C16orf95: variants seen among roughly 807,000 people sequenced by gnomAD.
C16orf95 encodes the protein chromosome 16 open reading frame 95.
In C16orf95, 41 loss-of-function variants were observed where a neutral mutation model predicts 32.1. That is an observed-to-expected ratio of 1.28 (90% CI 1.00 to 1.66). C16orf95 has a LOEUF of 1.66. C16orf95 is among the 40% of genes most tolerant of loss of function. The probability of loss-of-function intolerance (pLI) is 0.00; values close to 1 mark genes in which losing one functional copy is unlikely to be tolerated. For synonymous variants in C16orf95, 147 were observed against 128.9 expected (o/e 1.14, Z -0.95); for missense variants, 399 against 325.9 (o/e 1.22, Z -1.73).
chr16:87,315,999 G>T (rs138465325), intron 1 of C16orf95, among the ~76,000 whole-genome samples, 176 bp from the exon 2 acceptor site: 2 of 152,166 alleles, frequency 1.3e-5, no homozygotes, highest in African/African-American at 4.8e-5. Flanking sequence ...TCAGAAGCAG[G>T]CGTGTGCTAG....
chr16:87,312,754 A>G (rs533770132), intron 3 of C16orf95, among the ~76,000 whole-genome samples: 2 of 152,268 alleles, frequency 1.3e-5, no homozygotes, highest in Admixed American at 6.5e-5. Flanking sequence ...AGCCATCTCT[A>G]TTTGCAGATG....
At chr16:87,310,483 T>C (rs963370393) in intron 4 of C16orf95, 150 bp from the exon 5 acceptor site, 39 of 724,704 alleles carry the variant, frequency 5.4e-5, no homozygotes, top group Admixed American at 1.1e-4. Flanking sequence ...CGGGCTCTTT[T>C]CTCTGAGGAC....
intron 2 of C16orf95, 85 bp from the exon 3 acceptor site, chr16:87,315,181 G>A (rs1055626755): frequency 1.1e-4 from 151 of 1,385,324 alleles, no homozygotes; most frequent in Non-Finnish European, 1.6e-5. Context: ...GTAGATCCGT[G>A]CTCAGGAAGA....
Position 87,317,098 on chromosome 16 carries a change from C to A in C16orf95, c.145G>T (p.Asp49Tyr), listed in dbSNP as rs1904375373. The change falls in exon 1 of 7, where the codon GAT (aspartate) becomes TAT (tyrosine). Residue 49 changes from aspartate to tyrosine, a missense_variant. Transcript: ENST00000567970. ...CRLALTPSAQ[D>Y]GRNSTFQTYK... Reference sequence around the variant, plus strand: ...GATTCAGGACTCACTTGCCTGCCATCCTGCGCGCTGGGTGTGAGTGCCAAC... The same window carrying A: ...GATTCAGGACTCACTTGCCTGCCATACTGCGCGCTGGGTGTGAGTGCCAAC... 6.6e-7 allele frequency: 1 copy of A among 1,524,574 alleles called. No individual in the cohort carries two copies. Among genetic ancestry groups the A allele is most frequent in the Non-Finnish European group, 8.8e-7 (1 of 1,140,236 alleles). 94.4% of individuals were successfully genotyped at this position (1,524,574 alleles called of 1,614,324 possible). A position where few individuals can be genotyped will look rare whatever the true frequency, so the allele number is the denominator to read the frequency against.
rs1391894430 is a variant in C16orf95, at chr16:87,311,033, A to T, written c.477+117T>A. On this transcript the variant is annotated intron_variant, in intron 4 of 6. Transcript: ENST00000567970. ...GGGGATCTTCTCTGGACACCAGCAG[A>T]GGCCTTTGTGGGAGCAGAGCCCAGG... The T allele has an allele frequency of 5.0e-6, 5 of 992,972 alleles. No individual in the cohort carries two copies. The East Asian group carries it at 1.1e-4, about 21-fold the overall frequency. The allele number at this position is 992,972 out of a possible 1,614,324, so 61.5% of individuals were successfully genotyped here. A position where few individuals can be genotyped will look rare whatever the true frequency, so the allele number is the denominator to read the frequency against.
chr16:87,314,771 A>C (rs1315924634), intron 3 of C16orf95, among the ~76,000 whole-genome samples, 200 bp downstream of exon 3: 2 of 152,252 alleles, frequency 1.3e-5, no homozygotes, highest in Admixed American at 6.5e-5. Context: ...CACATGTGTG[A>C]GGTGTGCCTC....
Position 87,302,933 on chromosome 16 carries a change from G to A in C16orf95, c.*124C>T. The A allele has an allele frequency of 1.0e-6, 1 of 979,950 alleles. No homozygotes were observed. The highest frequency in any genetic ancestry group is 1.6e-6 in the Non-Finnish European group (1 of 641,500). The allele number at this position is 979,950 out of a possible 1,614,324, so 60.7% of individuals were successfully genotyped here. ...GAGAAATCATTTGGGTTGAATCCTG[G>A]GTGTGGATTCTGTTCTGAGAAGACA... On this transcript the variant is annotated 3_prime_UTR_variant, in exon 7 of 7. Transcript: ENST00000567970.
intron 5 of C16orf95, among the ~76,000 whole-genome samples, chr16:87,307,986 A>G (rs1205449014): frequency 6.6e-6 from 1 of 152,182 alleles, no homozygotes; most frequent in African/African-American, 2.4e-5. Flanking sequence ...AAAAGAAAGA[A>G]GACAGAAAGA....
intron 3 of C16orf95, among the ~76,000 whole-genome samples, chr16:87,313,607 C>T (rs545665967): frequency 1.2e-4 from 18 of 152,020 alleles, no homozygotes; most frequent in African/African-American, 3.6e-4. Flanking sequence ...TGGTGGTGCA[C>T]GCCTGTGGTC....
chr16:87,307,545 G>A (rs933145353), intron 5 of C16orf95, among the ~76,000 whole-genome samples: 1 of 152,316 alleles, frequency 6.6e-6, no homozygotes, highest in African/African-American at 2.4e-5. Flanking sequence ...GATCACCTGA[G>A]GTCAGGAGTT....
chr16:87,312,651 C>T (rs1216679663), intron 3 of C16orf95, among the ~76,000 whole-genome samples: 3 of 151,582 alleles, frequency 2.0e-5, no homozygotes, highest in Non-Finnish European at 4.4e-5. Flanking sequence ...AGAATGTCTC[C>T]TCTCACTGCT....
rs562966151 is a variant in C16orf95 at position 87,311,233 on chromosome 16, G to A, written c.394C>T (p.Arg132Cys). 27 of 1,535,882 alleles carry A rather than the reference G, an allele frequency of 1.8e-5. No individual in the cohort carries two copies. The highest frequency in any genetic ancestry group is 1.5e-4 in the East Asian group (6 of 40,920). Residue 132 changes from arginine to cysteine, a missense_variant, in exon 4 of 7, where the codon CGC becomes TGC. Coordinates refer to ENST00000567970, the MANE Select transcript of C16orf95 (RefSeq NM_001195124.3). Reference sequence around the variant, plus strand: ...GGCATCGGGAGGCGGCCCCCAAAGCGGTGGCATAGGCAGGGGCACATCTTG... The same window carrying A: ...GGCATCGGGAGGCGGCCCCCAAAGCAGTGGCATAGGCAGGGGCACATCTTG... ...TAKMCPCLCH[R>C]FGGRLPMPRD...
Position 87,302,828 on chromosome 16 carries a change from A to C in C16orf95, c.*229T>G. ...GAGGTGGCCAGTTTAGAGTTTCACA[A>C]ATAACATTTATTGACCACATTCATA... is the stretch of plus-strand genomic sequence containing the variant. On this transcript the variant is annotated 3_prime_UTR_variant, in exon 7 of 7. Coordinates refer to ENST00000567970, the MANE Select transcript of C16orf95 (RefSeq NM_001195124.3). The C allele has an allele frequency of 1.8e-6, 1 of 560,632 alleles. No individual in the cohort carries two copies. The highest frequency in any genetic ancestry group is 3.2e-6 in the Non-Finnish European group (1 of 311,224). The allele number at this position is 560,632 out of a possible 1,614,324, so 34.7% of individuals were successfully genotyped here.
At chr16:87,311,098 C>T (rs896264751) in intron 4 of C16orf95, 52 bp downstream of exon 4, 40 of 1,408,986 alleles carry the variant, frequency 2.8e-5, no homozygotes, top group Non-Finnish European at 3.3e-5. Context: ...CCCCTTCCCC[C>T]GGCCCCCACC....
In C16orf95 at chr16:87,303,054, A is replaced by G; in HGVS notation, c.*3T>C. On this transcript the variant is annotated 3_prime_UTR_variant, in exon 7 of 7. Transcript: ENST00000567970. ...TTCTTGACAGTAGCTGAAGATTCCAACTTCAAACCCCAAAACACTGGCTGG... is the reference window on the plus strand; with the variant it reads ...TTCTTGACAGTAGCTGAAGATTCCAGCTTCAAACCCCAAAACACTGGCTGG... The G allele has an allele frequency of 6.5e-7, 1 of 1,536,108 alleles. No homozygotes were observed.
At chr16:87,308,636 G>C (rs1344434341) in intron 5 of C16orf95, among the ~76,000 whole-genome samples, 1 of 152,162 alleles carries the variant, frequency 6.6e-6, no homozygotes, top group East Asian at 1.9e-4. Flanking sequence ...TACCACGATG[G>C]GACCACGTTC....
intron 3 of C16orf95, among the ~76,000 whole-genome samples, chr16:87,311,711 T>C (rs376037773): frequency 5.3e-5 from 8 of 152,176 alleles, no homozygotes; most frequent in African/African-American, 1.2e-4. Context: ...CTTAACAAAG[T>C]TTATCAGGTT....
intron 5 of C16orf95, chr16:87,306,266 G>A (rs1911025951): frequency 1.1e-5 from 2 of 177,960 alleles, no homozygotes; most frequent in Admixed American, 6.3e-5. Context: ...GCCGAGTGAT[G>A]GGCACGTGGG....
At chr16:87,314,107 T>A (rs543431821) in intron 3 of C16orf95, among the ~76,000 whole-genome samples, 1 of 152,188 alleles carries the variant, frequency 6.6e-6, no homozygotes, top group African/African-American at 2.4e-5. Context: ...AGTCAACAGG[T>A]TTCTTTTTTA....
Sources: gnomAD v4.1 joint callset for allele counts (sites outside exome capture counted in the v4.1 genomes callset) on GRCh38, gnomAD v4.1.1 for gene constraint, MANE v1.5 for transcripts, NCBI Gene and HGNC (gene_info 2026-07-23, HGNC 2026-07-21) for gene names.